ARL15: variants seen among roughly 807,000 people sequenced by gnomAD.
ARL15 encodes the protein ADP-ribosylation factor-like protein 15.
Under a neutral mutation model 25.2 loss-of-function variants are expected in ARL15, and 19 were observed. The ratio of observed to expected loss-of-function variants is 0.75; its 90% CI spans 0.53 to 1.10. The LOEUF is 1.10. Among genes scored for constraint, ARL15 ranks in the 50% least tolerant of loss-of-function variants. The pLI is 0.00. For synonymous variants in ARL15, 94 were observed against 86.8 expected, an observed-to-expected ratio of 1.08 and a Z score of -0.46; for missense variants, 220 against 246.0, an observed-to-expected ratio of 0.89 and a Z score of 0.71.
intron 4 of ARL15, among the ~76,000 whole-genome samples, chr5:54,013,850 C>A (rs996306394): frequency 1.3e-4 from 20 of 152,072 alleles, no homozygotes; most frequent in Non-Finnish European, 1.5e-4. Context: ...ACCCCCCCAC[C>A]CAACAAACTA....
chr5:54,178,795 T>G (rs1441649507), intron 1 of ARL15, among the ~76,000 whole-genome samples: 1 of 152,186 alleles, frequency 6.6e-6, no homozygotes, highest in Non-Finnish European at 1.5e-5. Context: ...ACAAAATATT[T>G]TCCAGGTCTG....
At chr5:53,930,235 A>G (rs1321157100) in intron 4 of ARL15, among the ~76,000 whole-genome samples, 1 of 152,204 alleles carries the variant, frequency 6.6e-6, no homozygotes, top group African/African-American at 2.4e-5. Flanking sequence ...GTGAAGAGAC[A>G]GACACACTTT....
At chr5:54,137,666 T>C (rs1318001027) in intron 3 of ARL15, among the ~76,000 whole-genome samples, 1 of 152,188 alleles carries the variant, frequency 6.6e-6, no homozygotes, top group Non-Finnish European at 1.5e-5. Context: ...TTCCTTATCT[T>C]GTAACCATCA....
At chr5:54,046,767 G>A (rs1430492703) in intron 4 of ARL15, among the ~76,000 whole-genome samples, 1 of 152,144 alleles carries the variant, frequency 6.6e-6, no homozygotes, top group Admixed American at 6.5e-5. Flanking sequence ...AGTAGATGAA[G>A]GGCAGAAGGG....
At chr5:53,906,900 C>A (rs1456505594) in intron 4 of ARL15, among the ~76,000 whole-genome samples, 1 of 152,130 alleles carries the variant, frequency 6.6e-6, no homozygotes, top group African/African-American at 2.4e-5. Flanking sequence ...TCCCATCTGC[C>A]AGCTGGGTTT....
intron 1 of ARL15, among the ~76,000 whole-genome samples, chr5:54,303,666 A>G (rs1336313762): frequency 2.0e-5 from 3 of 150,206 alleles, no homozygotes; most frequent in East Asian, 2.0e-4. Flanking sequence ...AAAAAAAAAA[A>G]AAAAAGAAGA....
At chr5:54,302,566 T>G (rs185973891) in intron 1 of ARL15, among the ~76,000 whole-genome samples, 2 of 151,900 alleles carry the variant, frequency 1.3e-5, no homozygotes, top group Non-Finnish European at 2.9e-5. Flanking sequence ...CCAGCAATGA[T>G]GCAGGTTACA....
chr5:54,282,889 C>A (rs375940585), intron 1 of ARL15, among the ~76,000 whole-genome samples: 1 of 152,154 alleles, frequency 6.6e-6, no homozygotes, highest in African/African-American at 2.4e-5. Context: ...TTCTAACTCC[C>A]AAATCAAATT....
intron 4 of ARL15, among the ~76,000 whole-genome samples, chr5:53,988,496 G>A (rs1027721734): frequency 6.6e-6 from 1 of 152,056 alleles, no homozygotes; most frequent in African/African-American, 2.4e-5. Flanking sequence ...AGCTTCTAAA[G>A]GGTTAAGAAT....
intron 4 of ARL15, among the ~76,000 whole-genome samples, chr5:53,999,831 G>T (rs1241985009): frequency 6.6e-6 from 1 of 151,970 alleles, no homozygotes; most frequent in African/African-American, 2.4e-5. Flanking sequence ...GGAGGTGGAG[G>T]TTGCAGTGAG....
At chr5:53,994,891 T>A (rs1288773727) in intron 4 of ARL15, among the ~76,000 whole-genome samples, 1 of 152,118 alleles carries the variant, frequency 6.6e-6, no homozygotes, top group East Asian at 1.9e-4. Flanking sequence ...CTGAGGCTGG[T>A]CTCAAACTCC....
intron 4 of ARL15, among the ~76,000 whole-genome samples, chr5:53,907,518 G>A (rs1267802377): frequency 7.5e-5 from 2 of 26,666 alleles, no homozygotes. Context: ...TTTTTTTTGA[G>A]GCGGACTCTT....
rs116689523 is a variant in ARL15 at position 54,223,131 on chromosome 5, G to T, written c.49-51203C>A. On this transcript the variant is annotated intron_variant, in intron 1 of 4. Coordinates refer to ENST00000504924, the MANE Select transcript of ARL15 (RefSeq NM_019087.3). ...GGGCCTTAAAATTATCACGCATCAT[G>T]TTATTAAAAGGCAGTGACCATGGAA... Among the ~76,000 whole-genome samples the T allele has an allele frequency of 4.6e-3, 690 of 151,598 alleles. 4 individuals carry two copies. The highest frequency in any genetic ancestry group is 0.016 in the African/African-American group (664 of 41,332).
intron 1 of ARL15, among the ~76,000 whole-genome samples, chr5:54,234,341 A>G (rs1056831015): frequency 7.9e-5 from 12 of 152,110 alleles, no homozygotes; most frequent in Non-Finnish European, 1.3e-4. Context: ...AAAAATTTTA[A>G]TTGCTAGAAC....
At chr5:54,279,265 T>TC (rs398108934) in intron 1 of ARL15, among the ~76,000 whole-genome samples, 1 of 151,754 alleles carries the variant, frequency 6.6e-6, no homozygotes, top group Non-Finnish European at 1.5e-5. Context: ...ATTTTTTTTT[T>TC]CTCCTCCCTG....
intron 4 of ARL15, among the ~76,000 whole-genome samples, chr5:53,943,860 A>T (rs1287751493): frequency 6.6e-6 from 1 of 152,242 alleles, no homozygotes; most frequent in Non-Finnish European, 1.5e-5. Flanking sequence ...GATGGTCAGA[A>T]TCAACAGGAA....
intron 1 of ARL15, among the ~76,000 whole-genome samples, chr5:54,240,846 C>G (rs1447460149): frequency 6.6e-6 from 1 of 152,160 alleles, no homozygotes; most frequent in Admixed American, 6.5e-5. Context: ...AGAAAGTGTT[C>G]ATTGAAGGTT....
At chr5:54,167,593 A>C (rs1754610980) in intron 2 of ARL15, among the ~76,000 whole-genome samples, 1 of 151,908 alleles carries the variant, frequency 6.6e-6, no homozygotes, top group African/African-American at 2.4e-5. Flanking sequence ...TCTTACCAGA[A>C]CAAGAAGTCC....
chr5:54,200,060 C>T (rs1375625254), intron 1 of ARL15, among the ~76,000 whole-genome samples: 6 of 147,816 alleles, frequency 4.1e-5, no homozygotes, highest in South Asian at 2.1e-4. Flanking sequence ...AACCAAACAC[C>T]GCATGTTCTC....
Sources: gnomAD v4.1 joint callset for allele counts (sites outside exome capture counted in the v4.1 genomes callset) on GRCh38, gnomAD v4.1.1 for gene constraint, MANE v1.5 for transcripts, NCBI Gene and HGNC (gene_info 2026-07-23, HGNC 2026-07-21) for gene names.